APC: variants seen among roughly 807,000 people sequenced by gnomAD.
The protein encoded by APC is adenomatous polyposis coli protein.
Under a neutral mutation model 247.0 loss-of-function variants are expected in APC, and 72 were observed. The observed-to-expected ratio is 0.29, with a 90% CI of 0.24 to 0.35. APC has a LOEUF of 0.35. Among genes scored for constraint, APC ranks in the 10% least tolerant of loss-of-function variants. The probability of loss-of-function intolerance (pLI) is 1.00; values close to 1 mark genes in which losing one functional copy is unlikely to be tolerated. For missense variants in APC, 3,400 were observed against 3,360.7 expected (o/e 1.01, Z -0.29); for synonymous variants, 1,254 against 1,162.5 (o/e 1.08, Z -1.60).
chr5:112,838,577 T>C lies in APC; in HGVS notation c.2983T>C (p.Cys995Arg), dbSNP rs2149881575. The part of the protein sequence containing the change: ...SYSEDDESKF[C>R]SYGQYPADLA... The stretch of plus-strand genomic sequence containing the variant: ...TTCTGAAGATGATGAAAGTAAGTTT[T>C]GCAGTTATGGTCAATACCCAGCCGA... Residue 995 changes from cysteine to arginine, a missense_variant, in exon 16 of 16, where the codon TGC becomes CGC. By Grantham distance (180) the Cys-to-Arg change is radical. Coordinates refer to ENST00000257430, the MANE Select transcript of APC (RefSeq NM_000038.6). 6.2e-7 allele frequency: 1 copy of C among 1,614,206 alleles called. No homozygotes were observed. The highest frequency in any genetic ancestry group is 1.3e-5 in the African/African-American group (1 of 75,052).
chr5:112,836,173 C>CG lies in APC; in HGVS notation c.1958+1008_1958+1009insG, dbSNP rs995967040. Among the ~76,000 whole-genome samples, 12 of 74,524 alleles carry CG rather than the reference C, an allele frequency of 1.6e-4. 3 individuals are homozygous for CG. In the South Asian group the frequency reaches 0.011, roughly 67 times the overall value. 48.9% of individuals were successfully genotyped at this position (74,524 alleles called of 152,430 possible). On this transcript the variant is annotated intron_variant, in intron 15 of 15. Coordinates refer to ENST00000257430, the MANE Select transcript of APC (RefSeq NM_000038.6). The stretch of plus-strand genomic sequence containing the variant: ...GTAGCTGGGATTACAGGTCCCCCCC[C>CG]CCCCCCGCCACCGTGCCCGGCTAAT...
intron 9 of APC, among the ~76,000 whole-genome samples, chr5:112,818,388 T>C (rs1046167585): frequency 1.1e-4 from 16 of 152,222 alleles, no homozygotes; most frequent in African/African-American, 3.6e-4. Flanking sequence ...TCTCACTCTG[T>C]ATGATCATGG....
At chr5:112,816,745 A>G (rs933572144) in intron 9 of APC, among the ~76,000 whole-genome samples, 45 of 151,626 alleles carry the variant, frequency 3.0e-4, no homozygotes, top group African/African-American at 9.2e-4. Flanking sequence ...GTGAGCTGAG[A>G]TTGTGCCATT....
Position 112,737,911 on chromosome 5 carries a change from G to A in APC, c.-33G>A. On this transcript the variant is annotated 5_prime_UTR_variant, in exon 1 of 16. Transcript: ENST00000257430. Reference sequence around the variant, plus strand: ...CTGGAGACAGAATGGAGGTGCTGCCGGACTCGGAAATGGGGTAGGTGCTGG... The same window carrying A: ...CTGGAGACAGAATGGAGGTGCTGCCAGACTCGGAAATGGGGTAGGTGCTGG... The A allele has an allele frequency of 2.0e-6, 2 of 985,780 alleles. No homozygotes were observed. Among genetic ancestry groups the A allele is most frequent in the Non-Finnish European group, 2.4e-6 (2 of 830,204 alleles). 61.1% of individuals were successfully genotyped at this position (985,780 alleles called of 1,614,324 possible). A position where few individuals can be genotyped will look rare whatever the true frequency, so the allele number is the denominator to read the frequency against.
chr5:112,808,543 G>A (rs1324633602), intron 8 of APC, among the ~76,000 whole-genome samples: 1 of 152,020 alleles, frequency 6.6e-6, no homozygotes, highest in Non-Finnish European at 1.5e-5. Flanking sequence ...GAACTCCTGG[G>A]CTTAAGCGAT....
chr5:112,707,902 T>G lies in APC; in HGVS notation c.165+20T>G, dbSNP rs1191699028. On this transcript the variant is annotated intron_variant, in intron 1 of 13. Coordinates refer to the APC transcript ENST00000507379. ...TGGCAGGTGAGTGAGGCTGCAGGCA[T>G]TGACGTCTCCTCCCGGCAAAGCTTC... The G allele has an allele frequency of 7.4e-7, 1 of 1,357,044 alleles. No individual in the cohort carries two copies. The allele number at this position is 1,357,044 out of a possible 1,614,324, so 84.1% of individuals were successfully genotyped here. A position where few individuals can be genotyped will look rare whatever the true frequency, so the allele number is the denominator to read the frequency against.
intron 1 of APC, among the ~76,000 whole-genome samples, chr5:112,745,815 A>G (rs553235177): frequency 1.3e-5 from 2 of 151,990 alleles, no homozygotes; most frequent in Non-Finnish European, 2.9e-5. Flanking sequence ...CTGCCTCGCA[A>G]AGTATGGGGA....
At chr5:112,793,763 C>T (rs1482547546) in intron 7 of APC, among the ~76,000 whole-genome samples, 1 of 152,032 alleles carries the variant, frequency 6.6e-6, no homozygotes, top group African/African-American at 2.4e-5. Flanking sequence ...GAAATTTTAA[C>T]AAGGGGCTTA....
At chr5:112,758,369 G>C (rs1210887204) in intron 2 of APC, among the ~76,000 whole-genome samples, 1 of 152,078 alleles carries the variant, frequency 6.6e-6, no homozygotes, top group African/African-American at 2.4e-5. Context: ...CTGTCGCCTG[G>C]GCTCTGGTGT....
At chr5:112,728,148 G>C (rs1176077046) in intron 1 of APC, among the ~76,000 whole-genome samples, 2 of 151,662 alleles carry the variant, frequency 1.3e-5, no homozygotes, top group Non-Finnish European at 2.9e-5. Flanking sequence ...GTTGTTTTGA[G>C]ACAGAGTCTC....
intron 5 of APC, 83 bp from the exon 6 acceptor site, chr5:112,780,707 T>A: frequency 2.1e-6 from 2 of 946,174 alleles, no homozygotes; most frequent in Non-Finnish European, 3.3e-6. Flanking sequence ...TCATTTTCTT[T>A]ATTGGTTCTT....
chr5:112,792,107 G>A (rs1279769010), intron 6 of APC, among the ~76,000 whole-genome samples: 1 of 152,100 alleles, frequency 6.6e-6, no homozygotes, highest in African/African-American at 2.4e-5. Flanking sequence ...TTAGCTGGGC[G>A]TGGTGGTGCG....
At chr5:112,730,473 T>C (rs1450052686) in intron 1 of APC, among the ~76,000 whole-genome samples, 3 of 152,258 alleles carry the variant, frequency 2.0e-5, no homozygotes, top group Non-Finnish European at 2.9e-5. Context: ...TAAAATTTCT[T>C]TGAGCCTCAA....
chr5:112,816,501 T>C (rs1762524505), intron 9 of APC, among the ~76,000 whole-genome samples: 1 of 152,062 alleles, frequency 6.6e-6, no homozygotes, highest in African/African-American at 2.4e-5. Flanking sequence ...GAAAAGAAAA[T>C]AGTTACTTTA....
intron 5 of APC, among the ~76,000 whole-genome samples, chr5:112,779,876 A>G (rs1034762576): frequency 1.2e-4 from 18 of 152,220 alleles, no homozygotes; most frequent in African/African-American, 4.3e-4. Context: ...ACTACAACTG[A>G]CAACACAATT....
Position 112,769,458 on chromosome 5 carries a change from A to G in APC, c.422+2068A>G, listed in dbSNP as rs138203152. Reference sequence around the variant, plus strand: ...CTAGTGTATTAATTCTTCTCTTCCTAAAGTTAACATTATCTCACTGCAGAT... The same window carrying G: ...CTAGTGTATTAATTCTTCTCTTCCTGAAGTTAACATTATCTCACTGCAGAT... On this transcript the variant is annotated intron_variant, in intron 4 of 15. Coordinates refer to ENST00000257430, the MANE Select transcript of APC (RefSeq NM_000038.6). Among the ~76,000 whole-genome samples the G allele has an allele frequency of 5.5e-3, 833 of 152,328 alleles. 5 individuals are homozygous for G. The highest frequency in any genetic ancestry group is 0.019 in the South Asian group (91 of 4,834).
Position 112,841,638 on chromosome 5 carries a change from A to G in APC, c.6044A>G (p.Glu2015Gly), listed in dbSNP as rs2149955596. ...TATGCTCCTAAATCATTTCATGTTG[A>G]AGATACCCCAGTTTGTTTCTCAAGA... The part of the protein sequence containing the change: ...SGYAPKSFHV[E>G]DTPVCFSRNS... The change falls in exon 16 of 16, where the codon GAA (glutamate) becomes GGA (glycine). Residue 2015 changes from glutamate to glycine, a missense_variant. Glu to Gly is a moderately conservative substitution (Grantham distance 98, BLOSUM62 -2). Transcript: ENST00000257430. The surrounding 1 kb of genome is among the most constrained non-coding windows in gnomAD (Gnocchi z 4.6). 6.2e-7 allele frequency: 1 copy of G among 1,613,506 alleles called. No homozygotes were observed. Among genetic ancestry groups the G allele is most frequent in the South Asian group, 1.1e-5 (1 of 91,086 alleles).
chr5:112,721,715 A>G (rs1206995773), intron 1 of APC, among the ~76,000 whole-genome samples: 4 of 152,090 alleles, frequency 2.6e-5, no homozygotes, highest in Non-Finnish European at 2.9e-5. Context: ...AGAAAGGAGG[A>G]GAAATGGTTT....
intron 1 of APC, among the ~76,000 whole-genome samples, chr5:112,728,502 C>G (rs1278526320): frequency 1.3e-5 from 2 of 152,132 alleles, no homozygotes; most frequent in Non-Finnish European, 2.9e-5. Flanking sequence ...TTGGACATCC[C>G]TGGAAAACAC....
Sources: allele counts gnomAD v4.1 joint callset (sites outside exome capture counted in the v4.1 genomes callset), GRCh38; gene constraint gnomAD v4.1.1; non-coding constraint Gnocchi (gnomAD v3.1); transcripts MANE v1.5; gene names NCBI Gene and HGNC (gene_info 2026-07-23, HGNC 2026-07-21).